NKAIN2: variants seen among roughly 807,000 people sequenced by gnomAD.
The protein encoded by NKAIN2 is sodium/potassium-transporting ATPase subunit beta-1-interacting protein 2.
A neutral mutation model predicts 32.6 loss-of-function variants in NKAIN2; 14 were observed. That is an observed-to-expected ratio of 0.43 (90% CI 0.28 to 0.67). The LOEUF (loss-of-function observed/expected upper bound fraction) is 0.67, where lower values mean the gene tolerates loss of function less well. Among genes scored for constraint, NKAIN2 ranks in the 30% least tolerant of loss-of-function variants. The probability of loss-of-function intolerance (pLI) is 0.17; values close to 1 mark genes in which losing one functional copy is unlikely to be tolerated. For missense variants in NKAIN2, 198 were observed against 258.3 expected, an observed-to-expected ratio of 0.77 and a Z score of 1.60; for synonymous variants, 80 against 87.2, an observed-to-expected ratio of 0.92 and a Z score of 0.46.
intron 2 of NKAIN2, among the ~76,000 whole-genome samples, chr6:124,285,218 T>C (rs1007100215): frequency 6.6e-5 from 10 of 152,212 alleles, no homozygotes; most frequent in African/African-American, 2.2e-4. Flanking sequence ...CTGGAGATGA[T>C]GTAAATGATA....
At chr6:124,483,117 CAA>C (rs1399013427) in intron 3 of NKAIN2, among the ~76,000 whole-genome samples, 1 of 141,188 alleles carries the variant, frequency 7.1e-6, no homozygotes, top group African/African-American at 2.6e-5. Flanking sequence ...GACTGTGTTT[CAA>C]AAAAAAAAAG....
At chr6:123,961,651 C>T (rs1024468211) in intron 1 of NKAIN2, among the ~76,000 whole-genome samples, 4 of 152,050 alleles carry the variant, frequency 2.6e-5, no homozygotes, top group Admixed American at 6.6e-5. Context: ...TGGCTTGAAC[C>T]GAAAATGACC....
At chr6:124,406,906 C>T (rs1417475896) in intron 3 of NKAIN2, among the ~76,000 whole-genome samples, 2 of 152,068 alleles carry the variant, frequency 1.3e-5, no homozygotes, top group Non-Finnish European at 2.9e-5. Flanking sequence ...CATTCAAATG[C>T]TTTGCCCAAT....
At chr6:123,859,080 A>G (rs1775676083) in intron 1 of NKAIN2, among the ~76,000 whole-genome samples, 1 of 152,236 alleles carries the variant, frequency 6.6e-6, no homozygotes, top group African/African-American at 2.4e-5. Flanking sequence ...ATTACCACAC[A>G]GCATATGACT....
At chr6:124,067,898 A>G (rs895597913) in intron 1 of NKAIN2, among the ~76,000 whole-genome samples, 1 of 152,228 alleles carries the variant, frequency 6.6e-6, no homozygotes, top group Non-Finnish European at 1.5e-5. Context: ...AGAGGTAGAA[A>G]TGAGAAACAA....
intron 1 of NKAIN2, among the ~76,000 whole-genome samples, chr6:124,252,617 TAA>T (rs71764275): frequency 0.014 from 2,067 of 152,228 alleles, 45 homozygotes; most frequent in African/African-American, 0.048. Flanking sequence ...TGTAAATATA[TAA>T]AGACAAACCT....
At chr6:123,847,623 G>A (rs997579387) in intron 1 of NKAIN2, among the ~76,000 whole-genome samples, 1 of 152,072 alleles carries the variant, frequency 6.6e-6, no homozygotes, top group African/African-American at 2.4e-5. Flanking sequence ...TACCAGTTTT[G>A]TCTCATGAGG....
At chr6:123,859,663 G>A (rs56142628) in intron 1 of NKAIN2, among the ~76,000 whole-genome samples, 1 of 151,994 alleles carries the variant, frequency 6.6e-6, no homozygotes, top group Non-Finnish European at 1.5e-5. Context: ...GTTAGAACAG[G>A]GATCATCTAG....
At chr6:124,417,536 T>C (rs1774549889) in intron 3 of NKAIN2, among the ~76,000 whole-genome samples, 1 of 152,182 alleles carries the variant, frequency 6.6e-6, no homozygotes, top group African/African-American at 2.4e-5. Flanking sequence ...ATTTTGATAT[T>C]TTTACTTTGG....
chr6:124,784,055 G>GA (rs1217795001), intron 4 of NKAIN2, among the ~76,000 whole-genome samples: 1 of 152,016 alleles, frequency 6.6e-6, no homozygotes, highest in Non-Finnish European at 1.5e-5. Context: ...TTGTACTTAA[G>GA]AAAACAAGCA....
At chr6:123,891,105 G>A (rs1357012734) in intron 1 of NKAIN2, among the ~76,000 whole-genome samples, 2 of 152,114 alleles carry the variant, frequency 1.3e-5, no homozygotes, top group Admixed American at 6.6e-5. Context: ...AAGGACAAAT[G>A]TATGATTTCA....
intron 3 of NKAIN2, among the ~76,000 whole-genome samples, chr6:124,573,054 G>A (rs1562263457): frequency 6.6e-6 from 1 of 152,024 alleles, no homozygotes; most frequent in Non-Finnish European, 1.5e-5. Flanking sequence ...TGGCCAAGCT[G>A]GTCTCAAACT....
chr6:124,229,554 AGAC>A, intron 1 of NKAIN2, among the ~76,000 whole-genome samples: 1 of 152,126 alleles, frequency 6.6e-6, no homozygotes, highest in African/African-American at 2.4e-5. Context: ...ACAGACAGAC[AGAC>A]AGACAGGGTT....
chr6:124,054,558 C>T (rs1348862291), intron 1 of NKAIN2, among the ~76,000 whole-genome samples: 1 of 151,998 alleles, frequency 6.6e-6, no homozygotes, highest in Non-Finnish European at 1.5e-5. Flanking sequence ...AATGATCAAG[C>T]TAGGGAAATA....
At chr6:124,351,522 AAAG>A (rs1244899418) in intron 2 of NKAIN2, among the ~76,000 whole-genome samples, 14 of 151,666 alleles carry the variant, frequency 9.2e-5, no homozygotes, top group Admixed American at 5.3e-4. Flanking sequence ...AAAAAAAAAA[AAAG>A]AAAAGAAGAA....
intron 3 of NKAIN2, among the ~76,000 whole-genome samples, chr6:124,643,126 A>G (rs1784050788): frequency 6.6e-6 from 1 of 152,154 alleles, no homozygotes. Context: ...TTTTATTGTA[A>G]TAACTCTTGG....
At chr6:124,528,168 G>A (rs894045190) in intron 3 of NKAIN2, among the ~76,000 whole-genome samples, 3 of 152,218 alleles carry the variant, frequency 2.0e-5, no homozygotes, top group African/African-American at 7.2e-5. Flanking sequence ...GCAACCTAGA[G>A]AGAGATGCTG....
intron 1 of NKAIN2, among the ~76,000 whole-genome samples, chr6:123,837,439 C>G (rs1339769347): frequency 5.3e-5 from 8 of 152,030 alleles, no homozygotes; most frequent in Admixed American, 5.2e-4. Context: ...TTCTCTTCCA[C>G]CCACATTTAA....
At chr6:124,027,225 C>A (rs570450806) in intron 1 of NKAIN2, among the ~76,000 whole-genome samples, 2 of 151,636 alleles carry the variant, frequency 1.3e-5, no homozygotes, top group Non-Finnish European at 2.9e-5. Context: ...CTGCAACCTC[C>A]GCCTCCCGGG....
Sources: allele counts gnomAD v4.1 joint callset (sites outside exome capture counted in the v4.1 genomes callset), GRCh38; gene constraint gnomAD v4.1.1; transcripts MANE v1.5; gene names NCBI Gene and HGNC (gene_info 2026-07-23, HGNC 2026-07-21).